CD80: variants seen among roughly 807,000 people sequenced by gnomAD.
CD80 encodes CD80 molecule.
In CD80, 13 loss-of-function variants were observed where a neutral mutation model predicts 27.1. That is an observed-to-expected ratio of 0.48 (90% CI 0.31 to 0.76). CD80 has a LOEUF of 0.76. Among genes scored for constraint, CD80 ranks in the 30% least tolerant of loss-of-function variants. The pLI, the probability that CD80 is intolerant of heterozygous loss-of-function variation, is 0.04. For synonymous variants in CD80, 125 were observed against 125.5 expected, an observed-to-expected ratio of 1.00 and a Z score of 0.03; for missense variants, 277 against 347.9, an observed-to-expected ratio of 0.80 and a Z score of 1.62.
chr3:119,548,258 A>T (rs966910089), intron 2 of CD80, among the ~76,000 whole-genome samples: 2 of 152,208 alleles, frequency 1.3e-5, no homozygotes. Context: ...CTGGGATTAC[A>T]AGTGTGAGCC....
chr3:119,557,040 A>T (rs952846345), intron 2 of CD80, among the ~76,000 whole-genome samples: 1 of 152,258 alleles, frequency 6.6e-6, no homozygotes, highest in Admixed American at 6.5e-5. Context: ...TTTGTGTTAA[A>T]TCTGATACCA....
chr3:119,546,332 C>A (rs1357442104), intron 2 of CD80, among the ~76,000 whole-genome samples: 1 of 152,166 alleles, frequency 6.6e-6, no homozygotes, highest in African/African-American at 2.4e-5. Context: ...ACTCTTCATA[C>A]TATTTCCTTT....
intron 4 of CD80, among the ~76,000 whole-genome samples, chr3:119,534,039 C>T (rs953641866): frequency 1.2e-4 from 19 of 152,220 alleles, no homozygotes; most frequent in Middle Eastern, 3.4e-3. Context: ...CAAACTATAG[C>T]ACATGGGCCA....
intron 3 of CD80, among the ~76,000 whole-genome samples, chr3:119,540,103 C>G (rs889515920): frequency 6.6e-6 from 1 of 152,200 alleles, no homozygotes; most frequent in Non-Finnish European, 1.5e-5. Context: ...CAGGAGCCCA[C>G]CACTACCATC....
chr3:119,540,645 A>G (rs1332870387), intron 3 of CD80, among the ~76,000 whole-genome samples: 2 of 152,232 alleles, frequency 1.3e-5, no homozygotes, highest in Non-Finnish European at 1.5e-5. Flanking sequence ...GGAATAATAA[A>G]TCCAAAAACT....
intron 3 of CD80, among the ~76,000 whole-genome samples, chr3:119,537,844 T>G (rs936569216): frequency 3.3e-5 from 5 of 152,172 alleles, no homozygotes; most frequent in Non-Finnish European, 7.3e-5. Context: ...TGAGATATAA[T>G]TTGCAACTTC....
At chr3:119,528,622 C>G (rs973540998) in intron 5 of CD80, among the ~76,000 whole-genome samples, 1 of 152,062 alleles carries the variant, frequency 6.6e-6, no homozygotes. Context: ...TTCCAGACAC[C>G]TATGTGTGTG....
intron 4 of CD80, among the ~76,000 whole-genome samples, chr3:119,533,410 C>CT (rs11393086): frequency 0.86 from 125,371 of 146,574 alleles, 53,823 homozygotes; most frequent in South Asian, 0.94. Flanking sequence ...TACATTTGGG[C>CT]TTTTTTTTTT....
At chr3:119,546,962 G>A (rs1263715495) in intron 2 of CD80, among the ~76,000 whole-genome samples, 1 of 152,196 alleles carries the variant, frequency 6.6e-6, no homozygotes, top group Admixed American at 6.5e-5. Flanking sequence ...TGTGACTTCA[G>A]TGGCGTGGCA....
Position 119,525,571 on chromosome 3 carries a change from A to AT in CD80, c.*216_*217insA. Reference sequence around the variant, plus strand: ...AGAACTCAAGAATTCTGCATTTCAAAACACCTTGATCAAGGTCACCAGAGC... The same window carrying AT: ...AGAACTCAAGAATTCTGCATTTCAAATACACCTTGATCAAGGTCACCAGAGC... On this transcript the variant is annotated 3_prime_UTR_variant, in exon 7 of 7. Coordinates refer to ENST00000264246, the MANE Select transcript of CD80 (RefSeq NM_005191.4). 1 of 152,490 alleles carries AT rather than the reference A, an allele frequency of 6.6e-6. No individual in the cohort carries two copies. Among genetic ancestry groups the AT allele is most frequent in the Non-Finnish European group, 1.5e-5 (1 of 68,032 alleles). 9.4% of individuals were successfully genotyped at this position (152,490 alleles called of 1,614,324 possible).
chr3:119,549,812 A>G (rs569354301), intron 2 of CD80, among the ~76,000 whole-genome samples: 2 of 152,360 alleles, frequency 1.3e-5, no homozygotes, highest in East Asian at 1.9e-4. Flanking sequence ...AAATAAAAAG[A>G]CATACTTGAA....
intron 4 of CD80, among the ~76,000 whole-genome samples, chr3:119,531,804 C>T (rs2082113273): frequency 6.6e-6 from 1 of 152,068 alleles, no homozygotes; most frequent in African/African-American, 2.4e-5. Flanking sequence ...GCTGGGATTA[C>T]AGGGGCGTGC....
chr3:119,548,476 T>C, intron 2 of CD80, among the ~76,000 whole-genome samples: 1 of 152,170 alleles, frequency 6.6e-6, no homozygotes. Context: ...CCCCAGGGGA[T>C]ATGAAAGTCA....
chr3:119,549,610 A>G (rs1418836030), intron 2 of CD80, among the ~76,000 whole-genome samples: 1 of 152,028 alleles, frequency 6.6e-6, no homozygotes, highest in Non-Finnish European at 1.5e-5. Context: ...GCACCTTTCC[A>G]TCTCACCAGC....
chr3:119,553,326 G>C (rs2082244610), intron 2 of CD80, among the ~76,000 whole-genome samples: 1 of 152,012 alleles, frequency 6.6e-6, no homozygotes. Flanking sequence ...TTTTAGTAGA[G>C]ACAGGGTTTT....
chr3:119,541,992 T>C (rs1264877974), intron 3 of CD80, among the ~76,000 whole-genome samples: 2 of 152,026 alleles, frequency 1.3e-5, no homozygotes, highest in East Asian at 3.9e-4. Context: ...TCTCTCTCGG[T>C]AGTCCATTAG....
In CD80 at chr3:119,549,031, C is replaced by T. The variant is rs562653036; in HGVS notation, c.101-4164G>A. ...CAGCTTGGGTGACAGAGTGAGACTC[C>T]GTCTCAAAATAAATAAATAAATAAA... On this transcript the variant is annotated intron_variant, in intron 2 of 6. Transcript: ENST00000264246. Among the ~76,000 whole-genome samples the T allele has an allele frequency of 6.6e-5, 10 of 150,436 alleles. No individual in the cohort carries two copies. In the South Asian group the frequency reaches 8.5e-4, roughly 13 times the overall value.
chr3:119,552,402 A>G (rs1254086645), intron 2 of CD80, among the ~76,000 whole-genome samples: 1 of 151,314 alleles, frequency 6.6e-6, no homozygotes, highest in Non-Finnish European at 1.5e-5. Flanking sequence ...AGTCCCAGCT[A>G]CTCGGGAGGC....
rs1164827484 is a variant in CD80 at position 119,525,138 on chromosome 3, C to G, written c.*650G>C. ...TTGGATAGTTCTCCTTTCTGCTGTA[C>G]CTCATGGGGGAGTGAGAGAGCAGCA... On this transcript the variant is annotated 3_prime_UTR_variant, in exon 7 of 7. Transcript: ENST00000264246. 1 of 152,130 alleles carries G rather than the reference C, an allele frequency of 6.6e-6. No homozygotes were observed. Among genetic ancestry groups the G allele is most frequent in the African/African-American group, 2.4e-5 (1 of 41,416 alleles). 9.4% of individuals were successfully genotyped at this position (152,130 alleles called of 1,614,324 possible). A position where few individuals can be genotyped will look rare whatever the true frequency, so the allele number is the denominator to read the frequency against.
Sources: allele counts gnomAD v4.1 joint callset (sites outside exome capture counted in the v4.1 genomes callset), GRCh38; gene constraint gnomAD v4.1.1; transcripts MANE v1.5; gene names NCBI Gene and HGNC (gene_info 2026-07-23, HGNC 2026-07-21).